BEST3: variants seen among roughly 807,000 people sequenced by gnomAD.
BEST3 encodes the protein bestrophin 3, also known as bestrophin-3.
A neutral mutation model predicts 47.1 loss-of-function variants in BEST3; 50 were observed. The ratio of observed to expected loss-of-function variants is 1.06; its 90% confidence interval spans 0.85 to 1.34. The LOEUF (loss-of-function observed/expected upper bound fraction) is 1.34, where lower values mean the gene tolerates loss of function less well. Among genes scored for constraint, BEST3 ranks in the 40% most tolerant of loss-of-function variants. The probability of loss-of-function intolerance (pLI) is 0.00; values close to 1 mark genes in which losing one functional copy is unlikely to be tolerated. For synonymous variants in BEST3, 282 were observed against 298.8 expected (o/e 0.94, Z 0.58); for missense variants, 765 against 817.0 (o/e 0.94, Z 0.78).
chr12:69,666,915 C>T lies in BEST3; in HGVS notation c.1100+4513G>A, dbSNP rs552726555. On this transcript the variant is annotated intron_variant, in intron 9 of 9. Coordinates refer to ENST00000330891, the MANE Select transcript of BEST3 (RefSeq NM_032735.3). ...TCTGTCACCTCTACCGTCTACATCC[C>T]TTGTGATACACCTACTTCAGGCCCT... Among the ~76,000 whole-genome samples the T allele has an allele frequency of 9.2e-5, 14 of 152,322 alleles. No homozygotes were observed. In the South Asian group the frequency reaches 2.9e-3, roughly 32 times the overall value.
chr12:69,686,123 T>C (rs1347952113), intron 4 of BEST3, among the ~76,000 whole-genome samples: 1 of 150,832 alleles, frequency 6.6e-6, no homozygotes, highest in East Asian at 1.9e-4. Context: ...GCTCTCACTC[T>C]TGTAACACAA....
At chr12:69,696,611 C>A (rs1886141386) in intron 2 of BEST3, among the ~76,000 whole-genome samples, 1 of 152,120 alleles carries the variant, frequency 6.6e-6, no homozygotes, top group African/African-American at 2.4e-5. Flanking sequence ...AATGCATACA[C>A]TTGCTTGGAA....
At chr12:69,671,354 T>C in intron 9 of BEST3, 74 bp downstream of exon 9, 3 of 1,347,906 alleles carry the variant, frequency 2.2e-6, no homozygotes, top group South Asian at 1.6e-5. Flanking sequence ...TTCTTTTTTT[T>C]TTTTTATAGA....
chr12:69,688,468 A>T (rs1885764804), intron 4 of BEST3, among the ~76,000 whole-genome samples: 2 of 152,198 alleles, frequency 1.3e-5, no homozygotes, highest in African/African-American at 4.8e-5. Context: ...TTTTAATTTG[A>T]GAAATTTAAC....
intron 9 of BEST3, among the ~76,000 whole-genome samples, chr12:69,647,063 G>A (rs546622888): frequency 2.6e-5 from 4 of 152,326 alleles, no homozygotes; most frequent in South Asian, 2.1e-4. Context: ...TCTTTGAGGC[G>A]TAAAGGGGAG....
intron 4 of BEST3, among the ~76,000 whole-genome samples, chr12:69,688,485 C>A (rs1348399778): frequency 6.6e-6 from 1 of 152,132 alleles, no homozygotes; most frequent in African/African-American, 2.4e-5. Context: ...TAACCTGTAG[C>A]ATCAAATTAT....
intron 4 of BEST3, among the ~76,000 whole-genome samples, chr12:69,690,309 G>A (rs867196747): frequency 6.6e-6 from 1 of 152,190 alleles, no homozygotes; most frequent in Non-Finnish European, 1.5e-5. Context: ...CACATGCCTC[G>A]GAAAGGGAAA....
At chr12:69,675,069 C>T (rs1009333688) in intron 7 of BEST3, among the ~76,000 whole-genome samples, 2 of 151,374 alleles carry the variant, frequency 1.3e-5, no homozygotes, top group Non-Finnish European at 3.0e-5. Flanking sequence ...AGCAGGTTTG[C>T]CTATCCTTTA....
intron 4 of BEST3, among the ~76,000 whole-genome samples, 180 bp from the exon 5 acceptor site, chr12:69,679,073 G>A (rs983583291): frequency 8.6e-5 from 13 of 151,968 alleles, no homozygotes; most frequent in African/African-American, 2.9e-4. Context: ...GTGTGTGAGC[G>A]CACATGCACA....
intron 4 of BEST3, among the ~76,000 whole-genome samples, chr12:69,693,444 TA>T (rs1886005812): frequency 1.3e-5 from 2 of 152,094 alleles, no homozygotes; most frequent in East Asian, 3.9e-4. Context: ...TTTCTATTTT[TA>T]GTAGAGATGG....
Position 69,692,550 on chromosome 12 carries a change from A to G in BEST3, c.481+1124T>C, listed in dbSNP as rs188150101. ...GAAACTGACATTGCCAGTTCCTACC[A>G]GAATCTATTAGAAAGTATTAACTTA... On this transcript the variant is annotated intron_variant, in intron 4 of 9. Transcript: ENST00000330891. Among the ~76,000 whole-genome samples, 146 of 152,340 alleles carry G rather than the reference A, an allele frequency of 9.6e-4. 1 individual carries two copies. Among genetic ancestry groups the G allele is most frequent in the African/African-American group, 3.4e-3 (140 of 41,582 alleles).
chr12:69,677,081 G>A lies in BEST3; in HGVS notation c.715-13C>T, dbSNP rs78300740. On this transcript the variant is annotated splice_polypyrimidine_tract_variant and intron_variant, in intron 6 of 9. Transcript: ENST00000330891. ...CAAGAGTGACAACCTGGAACAGAGA[G>A]AGACCAGAGTGAGGGGACAGTGCTG... is the stretch of plus-strand genomic sequence containing the variant. 2,812 of 1,614,176 alleles carry A rather than the reference G, an allele frequency of 1.7e-3. 47 individuals are homozygous for A. The African/African-American group carries it at 0.033, about 19-fold the overall frequency.
Position 69,654,512 on chromosome 12 carries a change from A to G in BEST3, c.*395T>C, listed in dbSNP as rs2135905445. ...AAGAAAAAAAGAAAGAGAAAAAAGAAGAGAAATAGAGAACCCTGCGTGTCT... is the reference window on the plus strand; with the variant it reads ...AAGAAAAAAAGAAAGAGAAAAAAGAGGAGAAATAGAGAACCCTGCGTGTCT... On this transcript the variant is annotated 3_prime_UTR_variant, in exon 10 of 10. Transcript: ENST00000330891. 1 of 991,682 alleles carries G rather than the reference A, an allele frequency of 1.0e-6. No individual in the cohort carries two copies. Among genetic ancestry groups the G allele is most frequent in the East Asian group, 1.1e-4 (1 of 9,004 alleles). 61.4% of individuals were successfully genotyped at this position (991,682 alleles called of 1,614,324 possible). A position where few individuals can be genotyped will look rare whatever the true frequency, so the allele number is the denominator to read the frequency against.
chr12:69,670,471 G>A, intron 9 of BEST3: 2 of 702,932 alleles, frequency 2.8e-6, no homozygotes, highest in Non-Finnish European at 5.2e-6. Flanking sequence ...TTTGGGTCTG[G>A]AAAGGTTTTC....
intron 4 of BEST3, among the ~76,000 whole-genome samples, chr12:69,680,151 A>T (rs775485): frequency 0.45 from 68,221 of 151,132 alleles, 16,053 homozygotes; most frequent in Admixed American, 0.58. Context: ...TCCTCTGCCT[A>T]CTCCTCCCTC....
At chr12:69,666,337 A>G (rs978405963) in intron 9 of BEST3, among the ~76,000 whole-genome samples, 2 of 152,164 alleles carry the variant, frequency 1.3e-5, no homozygotes, top group African/African-American at 4.8e-5. Flanking sequence ...TTTTTCTACA[A>G]TAAAATTATT....
At chr12:69,674,645 C>G (rs568969436) in intron 7 of BEST3, among the ~76,000 whole-genome samples, 1 of 152,316 alleles carries the variant, frequency 6.6e-6, no homozygotes, top group East Asian at 1.9e-4. Context: ...TTTATGCAAT[C>G]AGTCCTGCAT....
intron 4 of BEST3, among the ~76,000 whole-genome samples, chr12:69,679,598 C>T (rs1265233995): frequency 3.9e-5 from 6 of 152,224 alleles, no homozygotes; most frequent in African/African-American, 4.8e-5. Flanking sequence ...CAGTGGCTCA[C>T]GCCCTTAATC....
At chr12:69,685,462 A>G (rs755526731) in intron 4 of BEST3, among the ~76,000 whole-genome samples, 3 of 152,220 alleles carry the variant, frequency 2.0e-5, no homozygotes, top group Non-Finnish European at 4.4e-5. Context: ...TCTGCTATAC[A>G]TTACAATGGT....
Sources: allele counts gnomAD v4.1 joint callset (sites outside exome capture counted in the v4.1 genomes callset), GRCh38; gene constraint gnomAD v4.1.1; transcripts MANE v1.5; gene names NCBI Gene and HGNC (gene_info 2026-07-23, HGNC 2026-07-21).